Variants in CASK observed in about 807,000 individuals in gnomAD.
CASK encodes the protein peripheral plasma membrane protein CASK.
In CASK, 4 loss-of-function variants were observed where a neutral mutation model predicts 82.9. That is an observed-to-expected ratio of 0.05 (90% CI 0.02 to 0.11). CASK has a LOEUF of 0.11. Among genes scored for constraint, CASK ranks in the 10% least tolerant of loss-of-function variants. The pLI is 1.00. For missense variants in CASK, 358 were observed against 720.9 expected, an observed-to-expected ratio of 0.50 and a Z score of 5.76; for synonymous variants, 259 against 253.5, an observed-to-expected ratio of 1.02 and a Z score of -0.20.
At chrX:41,820,965 G>A (rs1156684657) in intron 2 of CASK, among the ~76,000 whole-genome samples, 1 of 110,619 alleles carries the variant, frequency 9.0e-6, no homozygotes, top group Non-Finnish European at 1.9e-5. Flanking sequence ...CATCATAAAC[G>A]TAGCCAAAAC....
intron 9 of CASK, among the ~76,000 whole-genome samples, chrX:41,631,669 C>T (rs1287118416): frequency 9.1e-6 from 1 of 109,556 alleles, no homozygotes; most frequent in Admixed American, 9.8e-5. Context: ...TGGCGTTTCT[C>T]CATGTTGGTC....
intron 5 of CASK, among the ~76,000 whole-genome samples, chrX:41,710,291 T>C (rs1193257443): frequency 9.0e-6 from 1 of 111,467 alleles, no homozygotes; most frequent in Non-Finnish European, 1.9e-5. Context: ...TTGACTGATT[T>C]GAAGATGTCA....
chrX:41,811,704 C>G (rs1352324227), intron 2 of CASK, among the ~76,000 whole-genome samples: 1 of 111,400 alleles, frequency 9.0e-6, no homozygotes. Context: ...CAAACACATT[C>G]AAAAGCTAGC....
At chrX:41,822,557 CAAAAAAA>C (rs61374081) in intron 2 of CASK, among the ~76,000 whole-genome samples, 2 of 50,676 alleles carry the variant, frequency 3.9e-5, no homozygotes, top group Non-Finnish European at 6.4e-5. Context: ...GACTCCGTCT[CAAAAAAA>C]AAAAAAAAAA....
At chrX:41,648,877 T>C (rs1341537095) in intron 8 of CASK, among the ~76,000 whole-genome samples, 1 of 111,644 alleles carries the variant, frequency 9.0e-6, no homozygotes, top group Non-Finnish European at 1.9e-5. Flanking sequence ...TGTGAATCCA[T>C]CTGGTCCTGG....
At chrX:41,830,564 T>C (rs1415573305) in intron 2 of CASK, among the ~76,000 whole-genome samples, 1 of 110,843 alleles carries the variant, frequency 9.0e-6, no homozygotes, top group Non-Finnish European at 1.9e-5. Flanking sequence ...CTCACGCCTG[T>C]AATCCCAGCA....
chrX:41,808,610 T>C (rs2070187551), intron 2 of CASK, among the ~76,000 whole-genome samples: 1 of 111,953 alleles, frequency 8.9e-6, no homozygotes, highest in African/African-American at 3.2e-5. Context: ...GATGGCTGAA[T>C]AGGAACAGCT....
chrX:41,644,159 T>G, intron 8 of CASK, among the ~76,000 whole-genome samples: 1 of 111,825 alleles, frequency 8.9e-6, no homozygotes, highest in Non-Finnish European at 1.9e-5. Context: ...TTTGATGTGC[T>G]GCTGTATTCG....
At position 41,915,039 on chromosome X, in the gene CASK, T is replaced by C. The variant is rs955590523; in HGVS notation, c.59+7891A>G. ...ATGTGTTCTTAGTCCTCAGAGTATA[T>C]TGGCATTTTACATTATTGATCCTCC... On this transcript the variant is annotated intron_variant, in intron 1 of 26. Coordinates refer to ENST00000378163, the MANE Select transcript of CASK (RefSeq NM_001367721.1). Among the ~76,000 whole-genome samples the C allele has an allele frequency of 3.6e-5, 4 of 111,839 alleles. No homozygotes were observed. The East Asian group carries it at 1.1e-3, about 31-fold the overall frequency.
intron 2 of CASK, among the ~76,000 whole-genome samples, chrX:41,836,321 A>G (rs1253041454): frequency 8.9e-6 from 1 of 112,111 alleles, no homozygotes. Context: ...GAGGTGTTTC[A>G]TTGAAAATTA....
chrX:41,564,820 C>T (rs768218356), intron 16 of CASK, among the ~76,000 whole-genome samples: 2 of 111,307 alleles, frequency 1.8e-5, no homozygotes, highest in East Asian at 2.8e-4. Flanking sequence ...CTAAAATTGA[C>T]CACATAATTG....
In CASK at chrX:41,609,955, T is replaced by C. The variant is rs2147279235; in HGVS notation, c.1104A>G (p.Leu368=). The C allele has an allele frequency of 8.3e-7, 1 of 1,207,732 alleles. No homozygotes were observed. Among genetic ancestry groups the C allele is most frequent in the Non-Finnish European group, 1.1e-6 (1 of 891,581 alleles). ...HALTDCSEKD[L]DFLHSVFQDQ... ...CCTGGAAAACACTGTGTAGAAAATCTAGGTCCTTTTCACTGCAGTCTGTAA... is the reference window on the plus strand; with the variant it reads ...CCTGGAAAACACTGTGTAGAAAATCCAGGTCCTTTTCACTGCAGTCTGTAA... The change falls in exon 12 of 27, where the codon CTA becomes CTG. Residue 368 remains leucine, a synonymous_variant. Transcript: ENST00000378163.
At chrX:41,704,360 G>T (rs1158081036) in intron 5 of CASK, among the ~76,000 whole-genome samples, 1 of 112,014 alleles carries the variant, frequency 8.9e-6, no homozygotes, top group East Asian at 2.8e-4. Flanking sequence ...AAATAGTATA[G>T]AGGAGTCGAA....
chrX:41,846,079 C>A (rs895766162), intron 2 of CASK, among the ~76,000 whole-genome samples: 5 of 111,492 alleles, frequency 4.5e-5, no homozygotes, highest in Non-Finnish European at 3.8e-5. Flanking sequence ...TAGGTATATA[C>A]CCAAAAGAAA....
intron 1 of CASK, among the ~76,000 whole-genome samples, chrX:41,854,222 GCGCACACACACA>G (rs1347416101): frequency 1.2e-3 from 98 of 83,480 alleles, no homozygotes; most frequent in African/African-American, 4.1e-3. Flanking sequence ...GCGCGGGCGC[GCGCACACACACA>G]CACACACACA....
intron 8 of CASK, among the ~76,000 whole-genome samples, chrX:41,659,936 T>C (rs942382248): frequency 3.7e-5 from 4 of 107,407 alleles, no homozygotes; most frequent in Admixed American, 2.0e-4. Flanking sequence ...GGAGCAGAGG[T>C]TGCAGTGAGT....
chrX:41,711,534 T>C (rs183889644), intron 5 of CASK, among the ~76,000 whole-genome samples: 17 of 110,277 alleles, frequency 1.5e-4, no homozygotes, highest in South Asian at 7.8e-4. Context: ...CTCAGTGAAA[T>C]TGACCTTCAA....
chrX:41,841,063 G>A (rs1293174609), intron 2 of CASK, among the ~76,000 whole-genome samples: 1 of 111,809 alleles, frequency 8.9e-6, no homozygotes. Context: ...ATATACCTAG[G>A]ATGAGAATTG....
intron 5 of CASK, among the ~76,000 whole-genome samples, chrX:41,706,422 A>G (rs5963270): frequency 7.9e-4 from 88 of 111,633 alleles, no homozygotes; most frequent in African/African-American, 2.7e-3. Flanking sequence ...ATGCTAGACT[A>G]ATCATCTTTC....
Sources: gnomAD v4.1 joint callset for allele counts (sites outside exome capture counted in the v4.1 genomes callset) on GRCh38, gnomAD v4.1.1 for gene constraint, MANE v1.5 for transcripts, NCBI Gene and HGNC (gene_info 2026-07-23, HGNC 2026-07-21) for gene names.